Variants in PLCXD3 observed in about 807,000 individuals in gnomAD.
PLCXD3 encodes phosphatidylinositol specific phospholipase C X domain containing 3.
PLCXD3 carries 19 observed loss-of-function variants against 25.5 expected under a neutral mutation model. That is an observed-to-expected ratio of 0.75 (90% CI 0.52 to 1.09). The LOEUF (loss-of-function observed/expected upper bound fraction) is 1.09, where lower values mean the gene tolerates loss of function less well. PLCXD3 is among the 50% of genes least tolerant of loss of function. The probability of loss-of-function intolerance (pLI) is 0.00; values close to 1 mark genes in which losing one functional copy is unlikely to be tolerated. For synonymous variants in PLCXD3, 174 were observed against 137.6 expected (o/e 1.26, Z -1.85); for missense variants, 411 against 388.1 (o/e 1.06, Z -0.50).
At chr5:41,467,618 G>GA (rs1748047794) in intron 1 of PLCXD3, among the ~76,000 whole-genome samples, 1 of 151,952 alleles carries the variant, frequency 6.6e-6, no homozygotes, top group African/African-American at 2.4e-5. Flanking sequence ...TATTTAAAAA[G>GA]AAAAAAGCAT....
intron 1 of PLCXD3, among the ~76,000 whole-genome samples, chr5:41,436,296 GTTAGCA>G (rs1747254500): frequency 1.3e-5 from 2 of 152,098 alleles, no homozygotes; most frequent in South Asian, 4.2e-4. Context: ...TACAAAGCAA[GTTAGCA>G]TTGCTTAAGA....
At chr5:41,373,807 C>T (rs937021511) in intron 2 of PLCXD3, among the ~76,000 whole-genome samples, 5 of 152,038 alleles carry the variant, frequency 3.3e-5, no homozygotes, top group Non-Finnish European at 7.4e-5. Flanking sequence ...ATTATTAAGT[C>T]TTCTTACATG....
chr5:41,341,873 C>T (rs1744162255), intron 2 of PLCXD3, among the ~76,000 whole-genome samples: 2 of 152,160 alleles, frequency 1.3e-5, no homozygotes, highest in Non-Finnish European at 2.9e-5. Context: ...AGGTGCCAAA[C>T]AACTCACCTG....
intron 2 of PLCXD3, among the ~76,000 whole-genome samples, chr5:41,318,798 A>C (rs1285074210): frequency 6.6e-6 from 1 of 152,168 alleles, no homozygotes; most frequent in African/African-American, 2.4e-5. Flanking sequence ...CAAAAGACAT[A>C]GCCTGGCTTA....
In PLCXD3 at chr5:41,338,220, A is replaced by G. The variant is rs1020422360; in HGVS notation, c.813-24450T>C. Among the ~76,000 whole-genome samples the G allele has an allele frequency of 9.2e-5, 14 of 152,150 alleles. 1 individual carries two copies. The highest frequency in any genetic ancestry group is 3.4e-4 in the African/African-American group (14 of 41,438). ...ATTCCATGGAACAATGCTTCATGAG[A>G]GATTAAAGATGTGCCTAAAACAAAA... On this transcript the variant is annotated intron_variant, in intron 2 of 2. Transcript: ENST00000377801.
chr5:41,463,559 G>GAGA (rs1369175574), intron 1 of PLCXD3, among the ~76,000 whole-genome samples: 15 of 151,958 alleles, frequency 9.9e-5, no homozygotes, highest in African/African-American at 3.6e-4. Flanking sequence ...GAATATAACT[G>GAGA]TTTCTCATGT....
intron 2 of PLCXD3, among the ~76,000 whole-genome samples, chr5:41,344,616 T>C (rs138559022): frequency 6.6e-6 from 1 of 152,102 alleles, no homozygotes; most frequent in Non-Finnish European, 1.5e-5. Context: ...GGCTGATATC[T>C]ATGACTGACA....
intron 2 of PLCXD3, among the ~76,000 whole-genome samples, chr5:41,325,047 T>C (rs751527701): frequency 6.6e-6 from 1 of 152,196 alleles, no homozygotes; most frequent in Non-Finnish European, 1.5e-5. Context: ...TTAAAATTTC[T>C]AGGCCTGAAT....
At chr5:41,356,796 G>A (rs1296594664) in intron 2 of PLCXD3, among the ~76,000 whole-genome samples, 2 of 152,134 alleles carry the variant, frequency 1.3e-5, no homozygotes, top group Non-Finnish European at 2.9e-5. Context: ...TTGCTGAGAG[G>A]CTGAAGTAGG....
At chr5:41,338,407 C>T (rs2150476840) in intron 2 of PLCXD3, among the ~76,000 whole-genome samples, 1 of 152,112 alleles carries the variant, frequency 6.6e-6, no homozygotes, top group Middle Eastern at 3.4e-3. Context: ...ATTTATTTGA[C>T]CTGAGAATAG....
chr5:41,331,730 G>T (rs1389711929), intron 2 of PLCXD3, among the ~76,000 whole-genome samples: 1 of 152,082 alleles, frequency 6.6e-6, no homozygotes, highest in Non-Finnish European at 1.5e-5. Context: ...GCATGGTACT[G>T]GTACCAAAAC....
At chr5:41,425,017 T>C (rs1302182912) in intron 1 of PLCXD3, among the ~76,000 whole-genome samples, 2 of 152,226 alleles carry the variant, frequency 1.3e-5, no homozygotes, top group Non-Finnish European at 2.9e-5. Context: ...AATAAGCTTT[T>C]ACTTTATATA....
chr5:41,502,392 T>C lies in PLCXD3; in HGVS notation c.103+8032A>G, dbSNP rs151251407. 8.5e-4 allele frequency among the ~76,000 whole-genome samples: 130 copies of C among 152,124 alleles called. 1 individual carries two copies. Among genetic ancestry groups the C allele is most frequent in the African/African-American group, 3.0e-3 (124 of 41,526 alleles). ...AATTATGTGTCTGTGTGTATGTGTA[T>C]GTGTGCGGTGTGTGTGATTTAACCT... On this transcript the variant is annotated intron_variant, in intron 1 of 2. Coordinates refer to ENST00000377801, the MANE Select transcript of PLCXD3 (RefSeq NM_001005473.3).
chr5:41,330,794 T>C (rs559262661), intron 2 of PLCXD3, among the ~76,000 whole-genome samples: 3,649 of 152,058 alleles, frequency 0.024, 59 homozygotes, highest in Non-Finnish European at 0.036. Context: ...GTTCAATATA[T>C]GCAAATCAAT....
intron 2 of PLCXD3, among the ~76,000 whole-genome samples, chr5:41,370,803 C>A (rs1338919526): frequency 6.6e-6 from 1 of 152,192 alleles, no homozygotes; most frequent in East Asian, 1.9e-4. Context: ...GAAAATGTGA[C>A]AGTCTGCATC....
intron 1 of PLCXD3, among the ~76,000 whole-genome samples, chr5:41,400,883 G>A (rs1003385991): frequency 2.0e-5 from 3 of 152,018 alleles, no homozygotes; most frequent in Admixed American, 2.0e-4. Context: ...AACTGTTCGA[G>A]GGGAAGGATA....
chr5:41,469,689 A>T (rs1040566758), intron 1 of PLCXD3, among the ~76,000 whole-genome samples: 10 of 152,152 alleles, frequency 6.6e-5, no homozygotes, highest in East Asian at 1.9e-4. Flanking sequence ...TTAGTTTTTT[A>T]AAAAATGCCA....
intron 1 of PLCXD3, among the ~76,000 whole-genome samples, chr5:41,383,557 A>C (rs1347758779): frequency 6.6e-6 from 1 of 152,138 alleles, no homozygotes; most frequent in African/African-American, 2.4e-5. Context: ...AGCTAAAATT[A>C]AATTAACATA....
At chr5:41,489,809 G>T (rs1317827306) in intron 1 of PLCXD3, among the ~76,000 whole-genome samples, 1 of 151,226 alleles carries the variant, frequency 6.6e-6, no homozygotes, top group Non-Finnish European at 1.5e-5. Context: ...TGCTGAAGTT[G>T]CTTATCAGCT....
Sources: gnomAD v4.1 joint callset for allele counts (sites outside exome capture counted in the v4.1 genomes callset) on GRCh38, gnomAD v4.1.1 for gene constraint, MANE v1.5 for transcripts, NCBI Gene and HGNC (gene_info 2026-07-23, HGNC 2026-07-21) for gene names.